Variants in GTF3C3 observed in about 807,000 individuals in gnomAD.
GTF3C3 encodes the protein general transcription factor 3C polypeptide 3.
A neutral mutation model predicts 105.2 loss-of-function variants in GTF3C3; 75 were observed. That is an observed-to-expected ratio of 0.71 (90% CI 0.59 to 0.86). GTF3C3 has a LOEUF of 0.86. GTF3C3 is among the 40% of genes least tolerant of loss of function. The probability of loss-of-function intolerance (pLI) is 0.00; values close to 1 mark genes in which losing one functional copy is unlikely to be tolerated. For missense variants in GTF3C3, 856 were observed against 1,076.5 expected, an observed-to-expected ratio of 0.80 and a Z score of 2.87; for synonymous variants, 335 against 370.4, an observed-to-expected ratio of 0.90 and a Z score of 1.10.
chr2:196,797,250 G>C (rs1454187140), intron 2 of GTF3C3, among the ~76,000 whole-genome samples: 1 of 152,132 alleles, frequency 6.6e-6, no homozygotes, highest in Non-Finnish European at 1.5e-5. Flanking sequence ...ATTAGGCTAC[G>C]ATGAGTTTAA....
In GTF3C3 at chr2:196,786,024, A is replaced by C. The variant is rs1204747405; in HGVS notation, c.894-436T>G. On this transcript the variant is annotated intron_variant, in intron 6 of 17. Coordinates refer to ENST00000263956, the MANE Select transcript of GTF3C3 (RefSeq NM_012086.5). This position sits in a 1 kb window ranked among gnomAD's most constrained non-coding sequence, Gnocchi z 4.2. ...CTCTCTTGATCAAAATCACTCAATA[A>C]AACTCCAAGCCTGGTTAAAATCCAA... 3.3e-5 allele frequency among the ~76,000 whole-genome samples: 5 copies of C among 152,050 alleles called. No individual in the cohort carries two copies. The highest frequency in any genetic ancestry group is 2.0e-4 in the Admixed American group (3 of 15,254).
intron 7 of GTF3C3, 48 bp downstream of exon 7, chr2:196,785,393 A>C (rs1699438069): frequency 1.4e-6 from 2 of 1,449,406 alleles, no homozygotes; most frequent in African/African-American, 3.0e-5. Flanking sequence ...TTTCCAGAAC[A>C]CAGAAACACA....
At chr2:196,781,205 T>C (rs1699343523) in intron 8 of GTF3C3, among the ~76,000 whole-genome samples, 1 of 147,962 alleles carries the variant, frequency 6.8e-6, no homozygotes, top group Admixed American at 6.7e-5. Flanking sequence ...GTATCCTAAG[T>C]GGTGAAATAA....
chr2:196,773,304 G>T, intron 13 of GTF3C3, 151 bp from the exon 14 acceptor site: 1 of 634,824 alleles, frequency 1.6e-6, no homozygotes. Context: ...AGAAGGGGTA[G>T]TTGCTTGCTT....
chr2:196,768,372 A>G (rs1699110114), intron 16 of GTF3C3, among the ~76,000 whole-genome samples: 1 of 152,182 alleles, frequency 6.6e-6, no homozygotes. Flanking sequence ...ATTATGTTAC[A>G]TTTCAAACAT....
chr2:196,793,011 C>A lies in GTF3C3; in HGVS notation c.356G>T (p.Gly119Val). The change falls in exon 3 of 18, where the codon GGC becomes GTC. Residue 119 changes from glycine (G) to valine (V), a missense_variant. By Grantham distance (109) the Gly-to-Val change is moderately radical. This residue lies in a region of GTF3C3 where 605 missense variants were observed against 833.6 expected (regional missense o/e 0.73). Coordinates refer to ENST00000263956, the MANE Select transcript of GTF3C3 (RefSeq NM_012086.5). ...EEETPEQPTA[G>V]DVFVLEMVLN... is the part of the protein sequence containing the mutation. ...AACCATCTCCAATACAAATACATCG[C>A]CCGCAGTGGGTTGCTCAGGTGTTTC... 6.2e-7 allele frequency: 1 copy of A among 1,613,950 alleles called. No individual in the cohort carries two copies. The highest frequency in any genetic ancestry group is 1.1e-5 in the South Asian group (1 of 91,066).
intron 2 of GTF3C3, among the ~76,000 whole-genome samples, chr2:196,796,610 C>T (rs1335623928): frequency 6.6e-6 from 1 of 152,144 alleles, no homozygotes; most frequent in African/African-American, 2.4e-5. Flanking sequence ...ATCCCATCAC[C>T]TAGATATTAA....
intron 9 of GTF3C3, 54 bp from the exon 10 acceptor site, chr2:196,779,121 T>G: frequency 4.4e-5 from 53 of 1,216,696 alleles, no homozygotes; most frequent in Middle Eastern, 2.3e-4. Context: ...CGTGCACATC[T>G]ATCTATAGCT....
Position 196,771,770 on chromosome 2 carries a change from A to G in GTF3C3, c.2238T>C (p.Ser746=), listed in dbSNP as rs1699180239. The change falls in exon 15 of 18, where the codon TCT becomes TCC. Residue 746 remains serine (S), a synonymous_variant. Coordinates refer to ENST00000263956, the MANE Select transcript of GTF3C3 (RefSeq NM_012086.5). ...TACCAAGCGCATGCTTAAAACTACC[A>G]GATACAAATGCATTGTGTCCATTTA... ...CVLNGHNAFV[S]GSFKHALGQY... The G allele has an allele frequency of 1.2e-6, 2 of 1,612,684 alleles. No individual in the cohort carries two copies. The highest frequency in any genetic ancestry group is 1.3e-5 in the African/African-American group (1 of 74,904).
chr2:196,767,797 G>C (rs1699094594), intron 16 of GTF3C3, among the ~76,000 whole-genome samples: 3 of 152,144 alleles, frequency 2.0e-5, no homozygotes, highest in Non-Finnish European at 4.4e-5. Flanking sequence ...AAAAGGAATA[G>C]TAATCTCAGA....
intron 16 of GTF3C3, among the ~76,000 whole-genome samples, chr2:196,769,557 ATAT>A (rs1022069400): frequency 1.2e-4 from 19 of 152,324 alleles, no homozygotes; most frequent in Admixed American, 1.0e-3. Flanking sequence ...AGGCACAATC[ATAT>A]TATTGTATAA....
At chr2:196,771,670 C>A in intron 15 of GTF3C3, 78 bp downstream of exon 15, 1 of 948,722 alleles carries the variant, frequency 1.1e-6, no homozygotes, top group African/African-American at 1.6e-5. Flanking sequence ...GATAATTAAC[C>A]CAGACAGTTC....
rs751555501 is a variant in GTF3C3 at position 196,799,587 on chromosome 2, T to G, written c.25A>C (p.Ile9Leu). The change falls in exon 1 of 18, where the codon ATC becomes CTC. Residue 9 changes from isoleucine to leucine, a missense_variant. This residue lies in a region of GTF3C3 where 117 missense variants were observed against 114.0 expected (regional missense o/e 1.03). Coordinates refer to ENST00000263956, the MANE Select transcript of GTF3C3 (RefSeq NM_012086.5). Reference sequence around the variant, plus strand: ...GAGATTTTCCCTTCCAAGTAGTCGATGAGTTCCGGACTGAACCCTGACATG... The same window carrying G: ...GAGATTTTCCCTTCCAAGTAGTCGAGGAGTTCCGGACTGAACCCTGACATG... MSGFSPELIDYLEGKISFE... is the reference protein window; with the variant it reads MSGFSPELLDYLEGKISFE... 1 of 1,613,990 alleles carries G rather than the reference T, an allele frequency of 6.2e-7. No individual in the cohort carries two copies. Among genetic ancestry groups the G allele is most frequent in the Admixed American group, 1.7e-5 (1 of 60,034 alleles).
chr2:196,771,996 A>G (rs1430875539), intron 14 of GTF3C3, 58 bp from the exon 15 acceptor site: 1 of 1,224,468 alleles, frequency 8.2e-7, no homozygotes, highest in Non-Finnish European at 1.2e-6. Flanking sequence ...CCTGATTTCT[A>G]AAAATGAAAC....
chr2:196,793,713 G>T (rs996822691), intron 2 of GTF3C3, among the ~76,000 whole-genome samples: 1 of 152,102 alleles, frequency 6.6e-6, no homozygotes, highest in African/African-American at 2.4e-5. Flanking sequence ...CACTTAGAAT[G>T]CCTAGCATAT....
rs1184834578 is a variant in GTF3C3 at position 196,776,667 on chromosome 2, C to T, written c.1391-38G>A. ...TAAAATAAAGCAAAAGTATGAACTA[C>T]AGATTTGTAAACTGGCCACAATTAC... On this transcript the variant is annotated intron_variant, in intron 10 of 17. Coordinates refer to ENST00000263956, the MANE Select transcript of GTF3C3 (RefSeq NM_012086.5). This position sits in a 1 kb window ranked among gnomAD's most constrained non-coding sequence, Gnocchi z 4.5. 2 of 1,443,902 alleles carry T rather than the reference C, an allele frequency of 1.4e-6. No individual in the cohort carries two copies. Among genetic ancestry groups the T allele is most frequent in the Non-Finnish European group, 1.9e-6 (2 of 1,033,890 alleles). The allele number at this position is 1,443,902 out of a possible 1,614,324, so 89.4% of individuals were successfully genotyped here. A position where few individuals can be genotyped will look rare whatever the true frequency, so the allele number is the denominator to read the frequency against.
Position 196,766,700 on chromosome 2 carries a change from A to T in GTF3C3, c.2403T>A (p.Asn801Lys). The change falls in exon 17 of 18, where the codon AAT becomes AAA. Residue 801 changes from asparagine to lysine, a missense_variant. Physicochemically the swap from Asn to Lys is moderately conservative, Grantham distance 94 (BLOSUM62 0). Coordinates refer to ENST00000263956, the MANE Select transcript of GTF3C3 (RefSeq NM_012086.5). Reference sequence around the variant, plus strand: ...AGGGCCCACGTAAACTGAGGTATCGATTAAGAAAGGAAAAGCCCTAACCAA... The same window carrying T: ...AGGGCCCACGTAAACTGAGGTATCGTTTAAGAAAGGAAAAGCCCTAACCAA... The part of the protein sequence containing the change: ...ALIVQGFSFL[N>K]RYLSLRGPCQ... The T allele has an allele frequency of 6.2e-7, 1 of 1,611,360 alleles. No homozygotes were observed. Among genetic ancestry groups the T allele is most frequent in the African/African-American group, 1.3e-5 (1 of 74,814 alleles).
intron 4 of GTF3C3, 143 bp from the exon 5 acceptor site, chr2:196,790,213 A>C: frequency 2.1e-6 from 1 of 468,156 alleles, no homozygotes. Flanking sequence ...AAACTGCTTA[A>C]GGCAAGTTGA....
At chr2:196,769,326 A>C (rs941306505) in intron 16 of GTF3C3, among the ~76,000 whole-genome samples, 1 of 152,202 alleles carries the variant, frequency 6.6e-6, no homozygotes, top group Non-Finnish European at 1.5e-5. Flanking sequence ...TGTCTATACC[A>C]TATCATATTT....
Sources: allele counts gnomAD v4.1 joint callset (sites outside exome capture counted in the v4.1 genomes callset), GRCh38; gene constraint gnomAD v4.1.1; regional missense constraint gnomAD v4.1.1; non-coding constraint Gnocchi (gnomAD v3.1); transcripts MANE v1.5; gene names NCBI Gene and HGNC (gene_info 2026-07-23, HGNC 2026-07-21).